Variants in IL7 observed in about 807,000 individuals in gnomAD.
IL7 encodes the protein interleukin-7.
Under a neutral mutation model 21.6 loss-of-function variants are expected in IL7, and 3 were observed. The observed-to-expected ratio is 0.14, with a 90% CI of 0.06 to 0.36. The LOEUF is 0.36. Ranked by LOEUF, IL7 falls within the 10% of genes least tolerant of loss-of-function variation. The probability of loss-of-function intolerance (pLI) is 1.00; values close to 1 mark genes in which losing one functional copy is unlikely to be tolerated. For missense variants in IL7, 175 were observed against 200.2 expected (o/e 0.87, Z 0.76); for synonymous variants, 62 against 68.1 (o/e 0.91, Z 0.44).
At chr8:78,803,033 G>A (rs908875812) in intron 1 of IL7, among the ~76,000 whole-genome samples, 11 of 152,182 alleles carry the variant, frequency 7.2e-5, no homozygotes, top group Admixed American at 2.0e-4. Flanking sequence ...AAGTCACATA[G>A]ATGAGTGTGA....
At chr8:78,796,187 C>T (rs916107209) in intron 2 of IL7, among the ~76,000 whole-genome samples, 2 of 151,960 alleles carry the variant, frequency 1.3e-5, no homozygotes, top group Admixed American at 1.3e-4. Context: ...TAATAATCAA[C>T]AACAGACTTC....
intron 3 of IL7, among the ~76,000 whole-genome samples, chr8:78,707,761 A>G (rs2130588139): frequency 6.6e-6 from 1 of 152,208 alleles, no homozygotes; most frequent in Non-Finnish European, 1.5e-5. Flanking sequence ...TTCTACCAAT[A>G]TATTACTATA....
At chr8:78,742,927 G>C (rs1352163470) in intron 2 of IL7, among the ~76,000 whole-genome samples, 1 of 152,094 alleles carries the variant, frequency 6.6e-6, no homozygotes, top group Non-Finnish European at 1.5e-5. Context: ...TCCCCTGTAT[G>C]TGTCCATGTG....
At chr8:78,800,772 A>C (rs1320280466) in intron 1 of IL7, among the ~76,000 whole-genome samples, 4 of 152,216 alleles carry the variant, frequency 2.6e-5, no homozygotes, top group African/African-American at 9.6e-5. Flanking sequence ...GGAGGAGTAG[A>C]TGATAGAGGA....
At chr8:78,717,571 T>C, downstream of IL7, 2 of 1,437,570 alleles carry the variant, frequency 1.4e-6, no homozygotes, top group Non-Finnish European at 1.9e-6. Flanking sequence ...GCACATCCTC[T>C]AGTTAGTTTG....
At chr8:78,736,433 A>C in intron 5 of IL7, 41 bp downstream of exon 5, 1 of 1,286,052 alleles carries the variant, frequency 7.8e-7, no homozygotes, top group Non-Finnish European at 1.1e-6. Context: ...GTTGAGTAAA[A>C]ACCTGATGAA....
At chr8:78,780,844 C>A (rs1222700705) in intron 2 of IL7, among the ~76,000 whole-genome samples, 2 of 152,154 alleles carry the variant, frequency 1.3e-5, no homozygotes, top group African/African-American at 4.8e-5. Flanking sequence ...TAAATTCTCT[C>A]ACTATTATTC....
intron 3 of IL7, among the ~76,000 whole-genome samples, chr8:78,702,821 A>G (rs1194982278): frequency 1.3e-5 from 2 of 152,102 alleles, no homozygotes; most frequent in Non-Finnish European, 2.9e-5. Flanking sequence ...GTGGTTTGAG[A>G]GAATATTTGT....
chr8:78,728,674 T>G (rs1375900739), downstream of IL7, among the ~76,000 whole-genome samples: 2 of 151,982 alleles, frequency 1.3e-5, no homozygotes, highest in Admixed American at 6.6e-5. Flanking sequence ...TGGTTTCAAG[T>G]GGTAGTAACT....
At chr8:78,717,161 GA>G (rs1213924439), downstream of IL7, among the ~76,000 whole-genome samples, 2 of 152,050 alleles carry the variant, frequency 1.3e-5, no homozygotes, top group Non-Finnish European at 2.9e-5. Flanking sequence ...AAAAATGTTA[GA>G]ATTTTAGTAT....
Position 78,772,960 on chromosome 8 carries a change from G to A in IL7, c.147+25112C>T, listed in dbSNP as rs531013206. ...GACTCACAGCTGGATGAGCACCTTC[G>A]TCTTGCATCATTTATTGTTGTGTAT... On this transcript the variant is annotated intron_variant, in intron 2 of 5. Transcript: ENST00000263851. Among the ~76,000 whole-genome samples the A allele has an allele frequency of 2.0e-5, 3 of 152,202 alleles. No individual in the cohort carries two copies. The South Asian group carries it at 6.2e-4, about 32-fold the overall frequency.
At chr8:78,709,593 GA>G (rs1257134740) in intron 3 of IL7, among the ~76,000 whole-genome samples, 1 of 151,978 alleles carries the variant, frequency 6.6e-6, no homozygotes, top group East Asian at 1.9e-4. Context: ...GTAGAGGTAT[GA>G]CACATTTCAA....
intron 2 of IL7, among the ~76,000 whole-genome samples, chr8:78,783,470 G>C (rs1311599943): frequency 1.3e-5 from 2 of 152,006 alleles, no homozygotes; most frequent in Admixed American, 6.6e-5. Flanking sequence ...TGCCAGCACA[G>C]GATTCACTTG....
intron 3 of IL7, among the ~76,000 whole-genome samples, chr8:78,709,488 A>G (rs927557776): frequency 6.6e-6 from 1 of 152,140 alleles, no homozygotes. Flanking sequence ...TCTTATGTGG[A>G]TAACAATGAT....
chr8:78,715,261 G>T, downstream of IL7: 1 of 1,613,630 alleles, frequency 6.2e-7, no homozygotes, highest in South Asian at 1.1e-5. Flanking sequence ...ACCTAGTTTG[G>T]CAAGAAATCC....
chr8:78,795,615 ATAT>A (rs1254101961), intron 2 of IL7, among the ~76,000 whole-genome samples: 3 of 152,066 alleles, frequency 2.0e-5, no homozygotes, highest in African/African-American at 4.8e-5. Context: ...TTTTAATAGC[ATAT>A]TATTTTGCAC....
At chr8:78,750,013 T>G (rs1812112567) in intron 2 of IL7, among the ~76,000 whole-genome samples, 1 of 151,818 alleles carries the variant, frequency 6.6e-6, no homozygotes, top group South Asian at 2.1e-4. Context: ...CCAGCCTGGG[T>G]GACAGTAAGA....
chr8:78,759,974 A>T (rs969529444), intron 2 of IL7, among the ~76,000 whole-genome samples: 2 of 152,216 alleles, frequency 1.3e-5, no homozygotes, highest in African/African-American at 2.4e-5. Flanking sequence ...TAGGTCTTCA[A>T]AGCTTGAGAG....
At chr8:78,704,286 G>T (rs1810699498) in intron 3 of IL7, among the ~76,000 whole-genome samples, 1 of 151,516 alleles carries the variant, frequency 6.6e-6, no homozygotes. Context: ...TACTTGGGAG[G>T]CTGAGGCAGG....
Sources: gnomAD v4.1 joint callset for allele counts (sites outside exome capture counted in the v4.1 genomes callset) on GRCh38, gnomAD v4.1.1 for gene constraint, MANE v1.5 for transcripts, NCBI Gene and HGNC (gene_info 2026-07-23, HGNC 2026-07-21) for gene names.